Variants in DROSHA observed in about 807,000 individuals in gnomAD.
DROSHA encodes ribonuclease 3.
A neutral mutation model predicts 181.9 loss-of-function variants in DROSHA; 56 were observed. That is an observed-to-expected ratio of 0.31 (90% CI 0.25 to 0.38). DROSHA has a LOEUF of 0.38. Ranked by LOEUF, DROSHA falls within the 10% of genes least tolerant of loss-of-function variation. The pLI is 1.00. For synonymous variants in DROSHA, 524 were observed against 591.2 expected, an observed-to-expected ratio of 0.89 and a Z score of 1.65; for missense variants, 1,218 against 1,743.5, an observed-to-expected ratio of 0.70 and a Z score of 5.37.
chr5:31,477,005 T>G (rs577242477), intron 16 of DROSHA, among the ~76,000 whole-genome samples: 1 of 152,314 alleles, frequency 6.6e-6, no homozygotes, highest in South Asian at 2.1e-4. Flanking sequence ...TCTTGTTGGC[T>G]GAAATAAATA....
At chr5:31,520,902 A>G (rs1739819626) in intron 6 of DROSHA, among the ~76,000 whole-genome samples, 1 of 152,164 alleles carries the variant, frequency 6.6e-6, no homozygotes, top group African/African-American at 2.4e-5. Context: ...TGGTCTGTAT[A>G]ATTTCTAATT....
In DROSHA at chr5:31,409,466, C is replaced by A; in HGVS notation, c.3668-134G>T. 2.8e-6 allele frequency: 2 copies of A among 708,902 alleles called. No individual in the cohort carries two copies. Among genetic ancestry groups the A allele is most frequent in the Non-Finnish European group, 2.4e-6 (1 of 425,268 alleles). 43.9% of individuals were successfully genotyped at this position (708,902 alleles called of 1,614,324 possible). ...GGCCCTCTTTATTTTTCAGTGCTACCATTTCATCTTCCCCCACTTTTTATC... is the reference window on the plus strand; with the variant it reads ...GGCCCTCTTTATTTTTCAGTGCTACAATTTCATCTTCCCCCACTTTTTATC... On this transcript the variant is annotated intron_variant, in intron 31 of 35. Coordinates refer to ENST00000344624, the MANE Select transcript of DROSHA (RefSeq NM_001382508.1). This position sits in a 1 kb window ranked among gnomAD's most constrained non-coding sequence, Gnocchi z 4.0.
rs534389288 is a variant in DROSHA, at chr5:31,503,716, A to T, written c.1668+839T>A. Among the ~76,000 whole-genome samples, 4 of 152,302 alleles carry T rather than the reference A, an allele frequency of 2.6e-5. No individual in the cohort carries two copies. The East Asian group carries it at 7.7e-4, about 29-fold the overall frequency. On this transcript the variant is annotated intron_variant, in intron 11 of 35. Transcript: ENST00000344624. ...TCACAGGTGTTGATCCCTCGTCAACATCTCAGAGCTCCCAACCTGAGGCAT... is the reference window on the plus strand; with the variant it reads ...TCACAGGTGTTGATCCCTCGTCAACTTCTCAGAGCTCCCAACCTGAGGCAT...
intron 17 of DROSHA, 97 bp from the exon 18 acceptor site, chr5:31,468,160 G>A (rs1749308946): frequency 3.6e-6 from 5 of 1,404,564 alleles, no homozygotes; most frequent in African/African-American, 2.9e-5. Flanking sequence ...TTTTTTCCAG[G>A]AAAGCCTTGT....
chr5:31,491,209 A>T (rs1752364023), intron 13 of DROSHA, among the ~76,000 whole-genome samples: 1 of 151,684 alleles, frequency 6.6e-6, no homozygotes, highest in South Asian at 2.1e-4. Flanking sequence ...AAAGGATTCA[A>T]AGAAAGATTC....
chr5:31,529,560 C>A (rs565901084), intron 3 of DROSHA, among the ~76,000 whole-genome samples: 1 of 152,064 alleles, frequency 6.6e-6, no homozygotes, highest in South Asian at 2.1e-4. Flanking sequence ...ACAGTGAAAT[C>A]CTGTCTCTAC....
Position 31,526,378 on chromosome 5 carries a change from G to C in DROSHA, c.555C>G (p.Phe185Leu). ...HNFPPPSFNS[F>L]QNNPSSFLPS... is the part of the protein sequence containing the mutation. ...GCAGGAAAGAACTAGGGTTGTTCTG[G>C]AAACTATTAAAACTGGGAGGTGGGA... The change falls in exon 5 of 36, where the codon TTC becomes TTG. Residue 185 changes from phenylalanine to leucine, a missense_variant. By Grantham distance (22) the Phe-to-Leu change is conservative. Coordinates refer to ENST00000344624, the MANE Select transcript of DROSHA (RefSeq NM_001382508.1). 1.2e-6 allele frequency: 2 copies of C among 1,613,634 alleles called. No individual in the cohort carries two copies. The highest frequency in any genetic ancestry group is 1.7e-6 in the Non-Finnish European group (2 of 1,179,824).
chr5:31,422,998 G>A, intron 28 of DROSHA, 54 bp from the exon 29 acceptor site: 1 of 1,436,262 alleles, frequency 7.0e-7, no homozygotes, highest in Non-Finnish European at 9.2e-7. Flanking sequence ...GGTTGTAAGT[G>A]CAATGATCAA....
At chr5:31,502,176 A>C (rs1407780817) in intron 11 of DROSHA, among the ~76,000 whole-genome samples, 1 of 152,238 alleles carries the variant, frequency 6.6e-6, no homozygotes, top group Non-Finnish European at 1.5e-5. Context: ...AGTGGCACAA[A>C]CAGCATCAAC....
intron 23 of DROSHA, among the ~76,000 whole-genome samples, chr5:31,445,616 G>A (rs911903135): frequency 9.2e-5 from 14 of 152,084 alleles, no homozygotes; most frequent in Non-Finnish European, 2.1e-4. Context: ...AATCAAGTGG[G>A]AGGCATCCCA....
At chr5:31,516,391 C>T (rs1441306566) in intron 6 of DROSHA, among the ~76,000 whole-genome samples, 2 of 152,132 alleles carry the variant, frequency 1.3e-5, no homozygotes, top group Non-Finnish European at 2.9e-5. Flanking sequence ...CTTCACAGCT[C>T]CACTAACAAA....
intron 19 of DROSHA, among the ~76,000 whole-genome samples, chr5:31,464,938 T>C (rs1001996412): frequency 1.5e-4 from 23 of 152,126 alleles, no homozygotes; most frequent in Admixed American, 3.3e-4. Context: ...CAAAATCTCA[T>C]AGGAATTCAT....
chr5:31,528,933 C>G lies in DROSHA; in HGVS notation c.20+107G>C, dbSNP rs369705773. 4.2e-6 allele frequency: 6 copies of G among 1,424,224 alleles called. No individual in the cohort carries two copies. The African/African-American group carries it at 4.2e-5, about 10-fold the overall frequency. The allele number at this position is 1,424,224 out of a possible 1,614,324, so 88.2% of individuals were successfully genotyped here. On this transcript the variant is annotated intron_variant, in intron 4 of 35. Coordinates refer to ENST00000344624, the MANE Select transcript of DROSHA (RefSeq NM_001382508.1). ...CTGTTGAAAGAATGAGCACATTATC[C>G]CCTCTCCCCATGTATCTAAATCCTT...
intron 15 of DROSHA, among the ~76,000 whole-genome samples, chr5:31,484,339 AGTCCG>A (rs537166665): frequency 4.5e-5 from 6 of 134,248 alleles, no homozygotes; most frequent in African/African-American, 1.8e-4. Context: ...GCGCCACTGC[AGTCCG>A]CAGTCCGGCC....
intron 7 of DROSHA, 44 bp from the exon 8 acceptor site, chr5:31,515,263 C>A: frequency 6.4e-7 from 1 of 1,566,182 alleles, no homozygotes; most frequent in South Asian, 1.2e-5. Context: ...AAATACTCTT[C>A]CACTGTAAAA....
At chr5:31,424,338 T>A in intron 28 of DROSHA, 89 bp downstream of exon 28, 1 of 1,482,402 alleles carries the variant, frequency 6.7e-7, no homozygotes, top group East Asian at 2.5e-5. Context: ...AATCAAAAGA[T>A]AAAAGTGGGG....
chr5:31,487,455 T>C (rs1380964180), intron 13 of DROSHA, among the ~76,000 whole-genome samples: 1 of 152,208 alleles, frequency 6.6e-6, no homozygotes, highest in Non-Finnish European at 1.5e-5. Context: ...AATATATTTT[T>C]GAATGAATTA....
chr5:31,456,463 T>TACACAC (rs35756228), intron 20 of DROSHA, among the ~76,000 whole-genome samples: 11,583 of 146,512 alleles, frequency 0.079, 580 homozygotes, highest in Admixed American at 0.13. Context: ...GACAACAAGA[T>TACACAC]ACACACACAC....
intron 21 of DROSHA, among the ~76,000 whole-genome samples, chr5:31,450,361 C>A (rs1216671851): frequency 6.6e-6 from 1 of 152,110 alleles, no homozygotes; most frequent in African/African-American, 2.4e-5. Context: ...GTCATTATAT[C>A]AAAAAGACAC....
Sources: allele counts gnomAD v4.1 joint callset (sites outside exome capture counted in the v4.1 genomes callset), GRCh38; gene constraint gnomAD v4.1.1; non-coding constraint Gnocchi (gnomAD v3.1); transcripts MANE v1.5; gene names NCBI Gene and HGNC (gene_info 2026-07-23, HGNC 2026-07-21).